UBE2D3: variants seen among roughly 807,000 people sequenced by gnomAD.
The protein encoded by UBE2D3 is ubiquitin conjugating enzyme E2 D3, also known as ubiquitin-conjugating enzyme E2 D3.
A neutral mutation model predicts 22.8 loss-of-function variants in UBE2D3; 2 were observed. That is an observed-to-expected ratio of 0.09 (90% CI 0.04 to 0.28). The LOEUF (loss-of-function observed/expected upper bound fraction) is 0.28. UBE2D3 is among the 10% of genes least tolerant of loss of function. UBE2D3 has a pLI of 1.00. For missense variants in UBE2D3, 27 were observed against 182.5 expected, an observed-to-expected ratio of 0.15 and a Z score of 4.91; for synonymous variants, 56 against 60.4, an observed-to-expected ratio of 0.93 and a Z score of 0.34.
At chr4:102,826,375 G>A (rs547423355) in intron 2 of UBE2D3, 110 bp downstream of exon 2, 28 of 1,355,454 alleles carry the variant, frequency 2.1e-5, no homozygotes, top group South Asian at 1.4e-4. Context: ...TGGAAGAAGT[G>A]ATCCAAGAGG....
chr4:102,829,491 A>G (rs184486901), upstream of UBE2D3, among the ~76,000 whole-genome samples: 902 of 152,230 alleles, frequency 5.9e-3, 7 homozygotes, highest in Middle Eastern at 0.01. Context: ...CCGTTTCTTC[A>G]CCGCTAAAGT....
chr4:102,827,261 C>T (rs911131172), intron 1 of UBE2D3, 166 bp downstream of exon 1: 3 of 963,064 alleles, frequency 3.1e-6, no homozygotes, highest in Non-Finnish European at 3.7e-6. Flanking sequence ...ATTCCCCCTC[C>T]TCCTCCAGCA....
At chr4:102,815,831 A>C (rs28462287) in intron 2 of UBE2D3, among the ~76,000 whole-genome samples, 18,794 of 152,228 alleles carry the variant, frequency 0.12, 1,229 homozygotes, top group African/African-American at 0.15. Context: ...AAATGACCTA[A>C]GTATTTTAAC....
At chr4:102,816,769 T>C (rs1728832786) in intron 2 of UBE2D3, among the ~76,000 whole-genome samples, 1 of 152,208 alleles carries the variant, frequency 6.6e-6, no homozygotes, top group African/African-American at 2.4e-5. Context: ...ATTTCTAAAA[T>C]GAAAATGTAA....
intron 4 of UBE2D3, among the ~76,000 whole-genome samples, chr4:102,803,191 C>T (rs965976618): frequency 9.9e-5 from 15 of 152,184 alleles, no homozygotes; most frequent in Non-Finnish European, 1.5e-4. Flanking sequence ...AAAAATGAGG[C>T]TTAAAGAACT....
chr4:102,821,529 G>C (rs1729613540), intron 2 of UBE2D3, among the ~76,000 whole-genome samples: 1 of 152,000 alleles, frequency 6.6e-6, no homozygotes, highest in African/African-American at 2.4e-5. Flanking sequence ...AGGAGCTTCA[G>C]AATCACCTAG....
chr4:102,795,988 G>A lies in UBE2D3; in HGVS notation c.*1427C>T, dbSNP rs767896654. On this transcript the variant is annotated 3_prime_UTR_variant, in exon 8 of 8. Transcript: ENST00000453744. ...AAACAAAAAACAATCCAATAGCATT[G>A]ACTTTTATTCATTCATGTTAAGTCA... The A allele has an allele frequency of 6.6e-6, 1 of 152,334 alleles. No individual in the cohort carries two copies. Among genetic ancestry groups the A allele is most frequent in the East Asian group, 1.9e-4 (1 of 5,198 alleles). The allele number at this position is 152,334 out of a possible 1,614,324, so 9.4% of individuals were successfully genotyped here.
At chr4:102,825,377 C>G (rs1730297811) in intron 2 of UBE2D3, 1 of 1,012,488 alleles carries the variant, frequency 9.9e-7, no homozygotes, top group African/African-American at 1.7e-5. Context: ...AAGGGAAATA[C>G]AGTTTAAGAG....
Position 102,840,319 on chromosome 4 carries a change from C to T in UBE2D3, c.-128-13683G>A, listed in dbSNP as rs539028803. Among the ~76,000 whole-genome samples, 16 of 152,324 alleles carry T rather than the reference C, an allele frequency of 1.1e-4. No individual in the cohort carries two copies. The South Asian group carries it at 1.9e-3, about 18-fold the overall frequency. On this transcript the variant is annotated intron_variant, in intron 1 of 7. Transcript: ENST00000338145. Reference sequence around the variant, plus strand: ...AGTGGCAAAGAACAGAATCAACTTACGTGTCCGTCAACAGATGAATGGATA... The same window carrying T: ...AGTGGCAAAGAACAGAATCAACTTATGTGTCCGTCAACAGATGAATGGATA...
chr4:102,830,255 A>G (rs1193893392), upstream of UBE2D3, among the ~76,000 whole-genome samples: 1 of 152,250 alleles, frequency 6.6e-6, no homozygotes, highest in African/African-American at 2.4e-5. Flanking sequence ...AATAAAGTTA[A>G]AACATTTTCA....
intron 2 of UBE2D3, 140 bp downstream of exon 2, chr4:102,826,345 C>T (rs755771468): frequency 1.5e-4 from 161 of 1,091,036 alleles, no homozygotes; most frequent in Middle Eastern, 6.2e-4. Context: ...AGAAGTATAT[C>T]TGCGTTCTCC....
intron 1 of UBE2D3, among the ~76,000 whole-genome samples, chr4:102,850,544 A>G (rs1008329371): frequency 6.6e-6 from 1 of 152,106 alleles, no homozygotes; most frequent in African/African-American, 2.4e-5. Flanking sequence ...GAGGTAGTGT[A>G]ATATAGTGGA....
chr4:102,852,865 A>C lies in UBE2D3; in HGVS notation c.-129+15850T>G, dbSNP rs943685743. ...ATTTATGCCAGCTATCTATAACAAT[A>C]CCCTTTTACTTGGACCCCTCACCAG... On this transcript the variant is annotated intron_variant, in intron 1 of 7. Transcript: ENST00000338145. 3.8e-4 allele frequency among the ~76,000 whole-genome samples: 58 copies of C among 152,070 alleles called. 1 individual carries two copies. The highest frequency in any genetic ancestry group is 7.9e-4 in the Non-Finnish European group (54 of 68,000).
At chr4:102,819,349 CCCT>C (rs1729230048) in intron 2 of UBE2D3, among the ~76,000 whole-genome samples, 1 of 151,006 alleles carries the variant, frequency 6.6e-6, no homozygotes, top group South Asian at 2.1e-4. Context: ...AAAAAAAATT[CCCT>C]CCTTTCAAAG....
chr4:102,826,008 G>T, intron 2 of UBE2D3: 1 of 290,278 alleles, frequency 3.4e-6, no homozygotes, highest in Non-Finnish European at 6.9e-6. Context: ...CCGACCCTCA[G>T]TCAAGTTCGG....
intron 4 of UBE2D3, 54 bp from the exon 5 acceptor site, chr4:102,802,692 T>A (rs1276218194): frequency 1.4e-6 from 2 of 1,393,522 alleles, no homozygotes; most frequent in African/African-American, 2.9e-5. Flanking sequence ...TGCTAAATAT[T>A]CCGTAACATT....
At chr4:102,831,092 A>G (rs1405705798), upstream of UBE2D3, among the ~76,000 whole-genome samples, 1 of 152,214 alleles carries the variant, frequency 6.6e-6, no homozygotes, top group Non-Finnish European at 1.5e-5. Flanking sequence ...ACAGAATATT[A>G]TAACTTGCCA....
intron 2 of UBE2D3, chr4:102,819,467 T>C (rs976931414): frequency 9.6e-6 from 6 of 624,536 alleles, no homozygotes; most frequent in African/African-American, 8.0e-5. Flanking sequence ...GCCCAATAAG[T>C]ATCTGAACAT....
intron 2 of UBE2D3, chr4:102,812,597 A>G (rs1241585847): frequency 6.6e-6 from 1 of 152,254 alleles, no homozygotes; most frequent in Non-Finnish European, 1.5e-5. Flanking sequence ...GGAACTGAAC[A>G]AATCAAACAA....
Sources: allele counts gnomAD v4.1 joint callset (sites outside exome capture counted in the v4.1 genomes callset), GRCh38; gene constraint gnomAD v4.1.1; transcripts MANE v1.5; gene names NCBI Gene and HGNC (gene_info 2026-07-23, HGNC 2026-07-21).